Variants in FAM185A observed in about 807,000 individuals in gnomAD.
The protein encoded by FAM185A is protein FAM185A.
In FAM185A, 21 loss-of-function variants were observed where a neutral mutation model predicts 45.7. The observed-to-expected ratio is 0.46, with a 90% CI of 0.33 to 0.66. The LOEUF (loss-of-function observed/expected upper bound fraction) is 0.66. FAM185A is among the 30% of genes least tolerant of loss of function. The pLI, the probability that FAM185A is intolerant of heterozygous loss-of-function variation, is 0.03. For missense variants in FAM185A, 305 were observed against 485.4 expected (o/e 0.63, Z 3.49); for synonymous variants, 117 against 194.0 (o/e 0.60, Z 3.30).
intron 3 of FAM185A, among the ~76,000 whole-genome samples, chr7:102,759,860 A>G (rs1462404596): frequency 6.6e-6 from 1 of 152,118 alleles, no homozygotes; most frequent in East Asian, 1.9e-4. Context: ...ATAAAGGTAA[A>G]GGAATCACAG....
chr7:102,813,268 T>C (rs1797557700), downstream of FAM185A: 3 of 1,364,070 alleles, frequency 2.2e-6, no homozygotes, highest in African/African-American at 4.4e-5. Flanking sequence ...ATTCAGCTAG[T>C]AAACATACTT....
chr7:102,797,826 C>T (rs1341639691), intron 7 of FAM185A, among the ~76,000 whole-genome samples: 2 of 152,098 alleles, frequency 1.3e-5, no homozygotes, highest in African/African-American at 2.4e-5. Context: ...CAGAAGTATC[C>T]CTCTGAACCA....
At chr7:102,845,348 C>G in the FAM185A span, among the ~76,000 whole-genome samples, 2 of 152,160 alleles carry the variant, frequency 1.3e-5, no homozygotes, top group South Asian at 4.1e-4. Flanking sequence ...CAAAAGATAC[C>G]TATTACCCCT....
chr7:102,808,458 C>G lies in FAM185A; in HGVS notation c.*56C>G. The G allele has an allele frequency of 9.5e-7, 1 of 1,053,974 alleles. No homozygotes were observed. Among genetic ancestry groups the G allele is most frequent in the Non-Finnish European group, 1.4e-6 (1 of 697,952 alleles). The allele number at this position is 1,053,974 out of a possible 1,614,324, so 65.3% of individuals were successfully genotyped here. A position where few individuals can be genotyped will look rare whatever the true frequency, so the allele number is the denominator to read the frequency against. ...ACAATGATTCGCAGATCTGTGACTA[C>G]AAAAATGTAAATCCCACCATTCATA... On this transcript the variant is annotated 3_prime_UTR_variant, in exon 8 of 8. Coordinates refer to ENST00000413034, the MANE Select transcript of FAM185A (RefSeq NM_001145268.2).
chr7:102,843,507 G>C, the FAM185A span, among the ~76,000 whole-genome samples: 4 of 152,130 alleles, frequency 2.6e-5, no homozygotes, highest in African/African-American at 7.2e-5. Flanking sequence ...GGGTACGGTG[G>C]CTCACGTCTG....
the FAM185A span, among the ~76,000 whole-genome samples, chr7:102,831,041 A>G: frequency 1.3e-5 from 2 of 152,110 alleles, no homozygotes; most frequent in African/African-American, 4.8e-5. Context: ...TACGTGTGTT[A>G]TTTGTTGGGA....
intron 7 of FAM185A, among the ~76,000 whole-genome samples, chr7:102,788,663 CT>C (rs1795968547): frequency 6.6e-6 from 1 of 152,180 alleles, no homozygotes; most frequent in African/African-American, 2.4e-5. Flanking sequence ...TCATGCATCA[CT>C]TAATGACAGA....
chr7:102,794,522 G>A (rs1405746451), intron 7 of FAM185A, among the ~76,000 whole-genome samples: 1 of 152,086 alleles, frequency 6.6e-6, no homozygotes, highest in Non-Finnish European at 1.5e-5. Context: ...TGGCAAGTGT[G>A]CAGAGAAACT....
intron 3 of FAM185A, among the ~76,000 whole-genome samples, chr7:102,760,063 T>C (rs1794017380): frequency 6.6e-6 from 1 of 152,152 alleles, no homozygotes; most frequent in Non-Finnish European, 1.5e-5. Flanking sequence ...AGTATCTAAG[T>C]TTAGTTTTAT....
the FAM185A span, among the ~76,000 whole-genome samples, chr7:102,825,417 A>G: frequency 1.3e-5 from 2 of 152,174 alleles, no homozygotes; most frequent in Non-Finnish European, 2.9e-5. Flanking sequence ...TTGCCTTGGA[A>G]TTCTGCAGAG....
the FAM185A span, among the ~76,000 whole-genome samples, chr7:102,837,322 C>T: frequency 6.6e-6 from 1 of 152,174 alleles, no homozygotes; most frequent in Non-Finnish European, 1.5e-5. Flanking sequence ...TTAGCAAAGG[C>T]CCAGCCTCAG....
At chr7:102,776,702 TAAAAAA>T (rs72022042) in intron 5 of FAM185A, among the ~76,000 whole-genome samples, 1 of 97,096 alleles carries the variant, frequency 1.0e-5, no homozygotes. Flanking sequence ...ACCCTGTCTC[TAAAAAA>T]AAAAAAAAAA....
intron 6 of FAM185A, among the ~76,000 whole-genome samples, chr7:102,777,575 C>T (rs1795143804): frequency 6.7e-6 from 1 of 150,356 alleles, no homozygotes; most frequent in African/African-American, 2.4e-5. Context: ...GTAGTACAAA[C>T]AAAAATGTAA....
the FAM185A span, among the ~76,000 whole-genome samples, chr7:102,843,854 C>T: frequency 4.6e-5 from 7 of 152,100 alleles, no homozygotes; most frequent in African/African-American, 1.4e-4. Context: ...TCAAAAAAGA[C>T]GGGGCCTGAA....
At chr7:102,782,704 T>G (rs929110081) in intron 6 of FAM185A, among the ~76,000 whole-genome samples, 1 of 152,040 alleles carries the variant, frequency 6.6e-6, no homozygotes, top group African/African-American at 2.4e-5. Context: ...ACATGCCAAA[T>G]TGTGAAGACC....
At chr7:102,785,261 A>G (rs1562866649) in intron 6 of FAM185A, among the ~76,000 whole-genome samples, 1 of 151,726 alleles carries the variant, frequency 6.6e-6, no homozygotes, top group East Asian at 1.9e-4. Flanking sequence ...TGCCCAAGGT[A>G]ATTTATAGAT....
At chr7:102,786,396 A>G (rs1795798172) in intron 6 of FAM185A, among the ~76,000 whole-genome samples, 1 of 152,256 alleles carries the variant, frequency 6.6e-6, no homozygotes, top group African/African-American at 2.4e-5. Context: ...TTATCGTGGC[A>G]CTATTCACAA....
At chr7:102,769,861 C>T (rs890873882) in intron 4 of FAM185A, among the ~76,000 whole-genome samples, 10 of 151,442 alleles carry the variant, frequency 6.6e-5, no homozygotes, top group Non-Finnish European at 1.5e-4. Context: ...CTTGTAATAG[C>T]TAACCCACTC....
At chr7:102,817,608 G>A in the FAM185A span, among the ~76,000 whole-genome samples, 3 of 151,872 alleles carry the variant, frequency 2.0e-5, no homozygotes, top group African/African-American at 4.8e-5. Flanking sequence ...ATTTTGAATC[G>A]TATCAGGAAA....
Sources: gnomAD v4.1 joint callset for allele counts (sites outside exome capture counted in the v4.1 genomes callset) on GRCh38, gnomAD v4.1.1 for gene constraint, MANE v1.5 for transcripts, NCBI Gene and HGNC (gene_info 2026-07-23, HGNC 2026-07-21) for gene names.